Variants in ZNF318 observed in about 807,000 individuals in gnomAD.
ZNF318 encodes endocrine regulator.
A neutral mutation model predicts 124.2 loss-of-function variants in ZNF318; 51 were observed. That is an observed-to-expected ratio of 0.41 (90% CI 0.33 to 0.52). The LOEUF is 0.52. Ranked by LOEUF, ZNF318 falls within the 20% of genes least tolerant of loss-of-function variation. The pLI, the probability that ZNF318 is intolerant of heterozygous loss-of-function variation, is 0.23. For missense variants in ZNF318, 2,815 were observed against 2,811.2 expected (o/e 1.00, Z -0.03); for synonymous variants, 1,090 against 1,040.7 (o/e 1.05, Z -0.91).
At chr6:43,366,889 G>A (rs1779769079) in intron 1 of ZNF318, among the ~76,000 whole-genome samples, 1 of 150,838 alleles carries the variant, frequency 6.6e-6, no homozygotes, top group Middle Eastern at 3.5e-3. Flanking sequence ...TTGCTCTGTC[G>A]TCCCCAGCCT....
chr6:43,337,000 AG>A lies in ZNF318; in HGVS notation c.*157del, dbSNP rs1284789045. 1.9e-6 allele frequency: 1 copy of A among 521,432 alleles called. No individual in the cohort carries two copies. The highest frequency in any genetic ancestry group is 2.0e-5 in the African/African-American group (1 of 51,210). The allele number at this position is 521,432 out of a possible 1,614,324, so 32.3% of individuals were successfully genotyped here. A position where few individuals can be genotyped will look rare whatever the true frequency, so the allele number is the denominator to read the frequency against. On this transcript the variant is annotated 3_prime_UTR_variant, in exon 10 of 10. Transcript: ENST00000361428. ...TTAAGGGGAAAGGGAAAAGGAAAGG[AG>A]GTAAATTTTTTAGCTTCCATGAACA...
rs778171232 is a variant in ZNF318 at position 43,357,114 on chromosome 6, T to C, written c.1188+12A>G. 33 of 1,596,602 alleles carry C rather than the reference T, an allele frequency of 2.1e-5. No homozygotes were observed. The highest frequency in any genetic ancestry group is 2.5e-5 in the Non-Finnish European group (29 of 1,171,836). On this transcript the variant is annotated intron_variant, in intron 3 of 9. Coordinates refer to ENST00000361428, the MANE Select transcript of ZNF318 (RefSeq NM_014345.3). ...GACTAGCAAGAGGCCCTACAAGAAA[T>C]GCAGCAGAGACCTGCATGGAGGGCT...
Position 43,339,468 on chromosome 6 carries a change from T to C in ZNF318, c.4530A>G (p.Pro1510=). The C allele has an allele frequency of 1.9e-6, 3 of 1,614,150 alleles. No homozygotes were observed. The highest frequency in any genetic ancestry group is 1.7e-6 in the Non-Finnish European group (2 of 1,180,022). ...LPVAIMASAQ[P]AAIPSDETAP... is the part of the protein sequence containing the mutation. ...CTGTCTCATCAGAAGGAATGGCAGC[T>C]GGCTGTGCTGAGGCCATGATGGCTA... Residue 1510 remains proline (P), a synonymous_variant, in exon 10 of 10, where the codon CCA becomes CCG. Coordinates refer to ENST00000361428, the MANE Select transcript of ZNF318 (RefSeq NM_014345.3). The surrounding 1 kb of genome is among the most constrained non-coding windows in gnomAD (Gnocchi z 4.2).
rs1779298278 is a variant in ZNF318 at position 43,337,429 on chromosome 6, G to A, written c.6569C>T (p.Pro2190Leu). The A allele has an allele frequency of 1.2e-6, 2 of 1,614,164 alleles. No homozygotes were observed. Among genetic ancestry groups the A allele is most frequent in the Non-Finnish European group, 8.5e-7 (1 of 1,180,032 alleles). The change falls in exon 10 of 10, where the codon CCA (proline) becomes CTA (leucine). Residue 2190 changes from proline (P) to leucine (L), a missense_variant. Pro to Leu is a moderately conservative substitution (Grantham distance 98). Around this residue, in one of 4 missense-constraint regions of ZNF318, gnomAD observed 927 missense variants for 820.6 expected, o/e 1.13. Coordinates refer to ENST00000361428, the MANE Select transcript of ZNF318 (RefSeq NM_014345.3). ...SGVQKDKLCS[P>L]LSEPGDPSKC... ...AGAAGGGTCACCTGGCTCAGAGAGT[G>A]GAGAACACAGTTTATCTTTTTGAAC...
chr6:43,360,225 A>T (rs1244371238), intron 2 of ZNF318, among the ~76,000 whole-genome samples: 1 of 152,250 alleles, frequency 6.6e-6, no homozygotes, highest in Non-Finnish European at 1.5e-5. Context: ...AAAAAGCTGT[A>T]GTCCAGACTT....
chr6:43,362,018 G>T (rs1276748587), intron 2 of ZNF318, among the ~76,000 whole-genome samples: 2 of 152,040 alleles, frequency 1.3e-5, no homozygotes, highest in Admixed American at 1.3e-4. Context: ...TTAGCTGGGC[G>T]TCGGGTGGTG....
intron 6 of ZNF318, among the ~76,000 whole-genome samples, chr6:43,346,181 C>CAAA (rs150168420): frequency 1.1e-4 from 8 of 72,130 alleles, no homozygotes; most frequent in East Asian, 4.5e-4. Context: ...GACTCTGTTT[C>CAAA]AAAAAAAAAA....
chr6:43,361,967 G>A (rs1017850571), intron 2 of ZNF318, among the ~76,000 whole-genome samples: 1 of 152,076 alleles, frequency 6.6e-6, no homozygotes, highest in African/African-American at 2.4e-5. Flanking sequence ...ACCAGCCTAG[G>A]CAACACAGTG....
chr6:43,347,106 T>G (rs1185549735), intron 6 of ZNF318, among the ~76,000 whole-genome samples: 1 of 152,168 alleles, frequency 6.6e-6, no homozygotes, highest in Non-Finnish European at 1.5e-5. Context: ...AGATCCAATC[T>G]AAAGGATGAA....
intron 6 of ZNF318, among the ~76,000 whole-genome samples, chr6:43,348,112 G>T (rs557816096): frequency 6.6e-6 from 1 of 152,264 alleles, no homozygotes; most frequent in South Asian, 2.1e-4. Flanking sequence ...GAACATAGAA[G>T]GTTCTGAATA....
chr6:43,347,734 A>G (rs375931146), intron 6 of ZNF318, among the ~76,000 whole-genome samples: 3 of 152,340 alleles, frequency 2.0e-5, no homozygotes, highest in African/African-American at 7.2e-5. Context: ...GCATTTTAGC[A>G]TAGGACTGGA....
chr6:43,342,303 G>T, intron 7 of ZNF318, 92 bp from the exon 8 acceptor site: 3 of 1,017,234 alleles, frequency 2.9e-6, no homozygotes, highest in Non-Finnish European at 4.2e-6. Flanking sequence ...AAGACCAGGG[G>T]ACCAGAAGCC....
chr6:43,364,226 C>A, intron 2 of ZNF318: 1 of 671,354 alleles, frequency 1.5e-6, no homozygotes, highest in Non-Finnish European at 2.6e-6. Flanking sequence ...ATTCACTGAC[C>A]ACCTCATCAA....
At chr6:43,342,951 G>A (rs1779391449) in intron 6 of ZNF318, 72 bp from the exon 7 acceptor site, 1 of 1,300,532 alleles carries the variant, frequency 7.7e-7, no homozygotes, top group Non-Finnish European at 1.1e-6. Context: ...GAAATAGTAA[G>A]TGGCCATAAT....
rs1562127136 is a variant in ZNF318 at position 43,337,614 on chromosome 6, G to A, written c.6384C>T (p.Asp2128=). ...CAGGCATCATTCCTCCTGCTAACAG[G>A]TCAAGGGCCTGGTGTGTTCCCTCTA... The part of the protein sequence containing the change: ...GGLEGTHQAL[D]LLAGGMMPEE... The change falls in exon 10 of 10, where the codon GAC becomes GAT. Residue 2128 remains aspartate, a synonymous_variant. Coordinates refer to ENST00000361428, the MANE Select transcript of ZNF318 (RefSeq NM_014345.3). 1 of 1,613,952 alleles carries A rather than the reference G, an allele frequency of 6.2e-7. No individual in the cohort carries two copies. The highest frequency in any genetic ancestry group is 1.7e-5 in the Admixed American group (1 of 59,988).
chr6:43,354,437 G>C (rs1779574974), intron 4 of ZNF318, among the ~76,000 whole-genome samples: 1 of 152,110 alleles, frequency 6.6e-6, no homozygotes, highest in Non-Finnish European at 1.5e-5. Flanking sequence ...ACTTAAAAAA[G>C]GCTGACAATC....
intron 2 of ZNF318, 79 bp from the exon 3 acceptor site, chr6:43,357,844 G>T (rs1183934765): frequency 1.5e-6 from 2 of 1,317,898 alleles, no homozygotes; most frequent in Non-Finnish European, 2.1e-6. Flanking sequence ...ACTGGTGTTT[G>T]TCAAGGGGGC....
intron 2 of ZNF318, among the ~76,000 whole-genome samples, chr6:43,361,054 C>T (rs945058703): frequency 2.0e-5 from 3 of 152,150 alleles, no homozygotes; most frequent in African/African-American, 7.2e-5. Context: ...GAACTGTACA[C>T]TTCAAATGGG....
At position 43,365,378 on chromosome 6, in the gene ZNF318, A is replaced by G. The variant is rs1422085470; in HGVS notation, c.462T>C (p.Asn154=). ...CTGGTGTGCTAACACAGAAGTGGTC[A>G]TTGCCAACAGTGATCCTTAAGCTCT... ...LEKSLRITVG[N]DHFCVSTPER... Residue 154 remains asparagine, a synonymous_variant, in exon 2 of 10, where the codon AAT becomes AAC. Coordinates refer to ENST00000361428, the MANE Select transcript of ZNF318 (RefSeq NM_014345.3). 6.2e-7 allele frequency: 1 copy of G among 1,614,122 alleles called. No homozygotes were observed. Among genetic ancestry groups the G allele is most frequent in the Non-Finnish European group, 8.5e-7 (1 of 1,180,048 alleles).
Sources: gnomAD v4.1 joint callset for allele counts (sites outside exome capture counted in the v4.1 genomes callset) on GRCh38, gnomAD v4.1.1 for gene constraint, gnomAD v4.1.1 regional missense constraint, Gnocchi (gnomAD v3.1) non-coding constraint, MANE v1.5 for transcripts, NCBI Gene and HGNC (gene_info 2026-07-23, HGNC 2026-07-21) for gene names.